Variants in LMBR1 observed in about 807,000 individuals in gnomAD.
The protein encoded by LMBR1 is limb development membrane protein 1, also known as limb region 1 protein homolog.
In LMBR1, 52 loss-of-function variants were observed where a neutral mutation model predicts 73.9. The observed-to-expected ratio is 0.70, with a 90% CI of 0.56 to 0.89. The LOEUF (loss-of-function observed/expected upper bound fraction) is 0.89, where lower values mean the gene tolerates loss of function less well. LMBR1 is among the 40% of genes least tolerant of loss of function. The pLI is 0.00. For synonymous variants in LMBR1, 215 were observed against 209.4 expected, an observed-to-expected ratio of 1.03 and a Z score of -0.23; for missense variants, 539 against 579.8, an observed-to-expected ratio of 0.93 and a Z score of 0.72.
chr7:156,863,161 T>A (rs181016906), intron 1 of LMBR1, among the ~76,000 whole-genome samples: 46 of 152,226 alleles, frequency 3.0e-4, no homozygotes, highest in African/African-American at 7.7e-4. Context: ...GGGGAGTTTA[T>A]TAAGTATTAA....
intron 4 of LMBR1, among the ~76,000 whole-genome samples, chr7:156,825,743 C>A (rs957230311): frequency 3.3e-5 from 5 of 152,146 alleles, no homozygotes; most frequent in African/African-American, 9.7e-5. Context: ...TAAGTGCCTA[C>A]TAAAAGACAA....
At position 156,730,062 on chromosome 7, in the gene LMBR1, T is replaced by C. The variant is rs181667222; in HGVS notation, c.839-1342A>G. 1.5e-3 allele frequency among the ~76,000 whole-genome samples: 234 copies of C among 152,156 alleles called. 2 individuals carry two copies. Among genetic ancestry groups the C allele is most frequent in the Middle Eastern group, 6.8e-3 (2 of 294 alleles). On this transcript the variant is annotated intron_variant, in intron 10 of 16. Coordinates refer to ENST00000353442, the MANE Select transcript of LMBR1 (RefSeq NM_022458.4). ...GGCATGGACCCAAGAGGGTGAGAAATCAATGGGTAAAAGGCAATGATTCTA... is the reference window on the plus strand; with the variant it reads ...GGCATGGACCCAAGAGGGTGAGAAACCAATGGGTAAAAGGCAATGATTCTA...
chr7:156,718,389 G>A (rs1380624949), intron 15 of LMBR1, among the ~76,000 whole-genome samples: 3 of 142,662 alleles, frequency 2.1e-5, no homozygotes, highest in Non-Finnish European at 4.5e-5. Flanking sequence ...AACAGAGTGA[G>A]AATCCATCTC....
intron 1 of LMBR1, among the ~76,000 whole-genome samples, chr7:156,850,120 T>A (rs1398288039): frequency 2.0e-5 from 3 of 152,222 alleles, no homozygotes; most frequent in African/African-American, 7.2e-5. Context: ...GCTTCAAAAG[T>A]GATCAGGTCA....
At chr7:156,878,664 A>C (rs1800587531) in intron 1 of LMBR1, among the ~76,000 whole-genome samples, 1 of 152,220 alleles carries the variant, frequency 6.6e-6, no homozygotes, top group Non-Finnish European at 1.5e-5. Context: ...AATTCCCATC[A>C]AAATACCACC....
intron 15 of LMBR1, among the ~76,000 whole-genome samples, chr7:156,714,628 G>C (rs1326070165): frequency 1.3e-5 from 2 of 152,298 alleles, no homozygotes; most frequent in African/African-American, 4.8e-5. Context: ...GAAATGACAA[G>C]ATCACACTTC....
chr7:156,808,843 T>C (rs1832607818), intron 4 of LMBR1, among the ~76,000 whole-genome samples: 1 of 152,200 alleles, frequency 6.6e-6, no homozygotes, highest in African/African-American at 2.4e-5. Context: ...ATTCCTTTTA[T>C]TCCTTTACTT....
In LMBR1 at chr7:156,812,209, T is replaced by G. The variant is rs532853155; in HGVS notation, c.319+14396A>C. 2.0e-5 allele frequency among the ~76,000 whole-genome samples: 3 copies of G among 152,266 alleles called. No individual in the cohort carries two copies. In the South Asian group the frequency reaches 6.2e-4, roughly 32 times the overall value. ...CATATGGCAAAAAGGACTTGGCAGG[T>G]GTAATTAAGGTTATGGACCTTCAAA... On this transcript the variant is annotated intron_variant, in intron 4 of 16. Coordinates refer to ENST00000353442, the MANE Select transcript of LMBR1 (RefSeq NM_022458.4).
At chr7:156,739,082 C>T (rs887245098) in intron 9 of LMBR1, among the ~76,000 whole-genome samples, 1 of 152,078 alleles carries the variant, frequency 6.6e-6, no homozygotes, top group African/African-American at 2.4e-5. Context: ...TGCCCTGGGA[C>T]AGAGGGGAGC....
intron 5 of LMBR1, among the ~76,000 whole-genome samples, chr7:156,766,721 A>G (rs1307170197): frequency 6.6e-6 from 1 of 152,076 alleles, no homozygotes; most frequent in Non-Finnish European, 1.5e-5. Context: ...AGGAGCAGGG[A>G]CCCCAAGCAG....
intron 5 of LMBR1, among the ~76,000 whole-genome samples, chr7:156,787,037 G>A (rs955354675): frequency 6.6e-5 from 10 of 152,292 alleles, no homozygotes; most frequent in African/African-American, 2.4e-4. Flanking sequence ...TGGGAAGTCA[G>A]CGCCTACAGA....
At chr7:156,863,621 C>T (rs935101066) in intron 1 of LMBR1, among the ~76,000 whole-genome samples, 6 of 152,134 alleles carry the variant, frequency 3.9e-5, no homozygotes, top group Non-Finnish European at 7.4e-5. Context: ...AGGGGCTGTA[C>T]AAATTCATAC....
chr7:156,784,537 C>T (rs1456890087), intron 5 of LMBR1, among the ~76,000 whole-genome samples: 1 of 152,210 alleles, frequency 6.6e-6, no homozygotes, highest in Non-Finnish European at 1.5e-5. Flanking sequence ...CACCCTGCTT[C>T]TGTCTGTCCC....
intron 1 of LMBR1, among the ~76,000 whole-genome samples, chr7:156,839,342 C>T (rs1186245398): frequency 6.6e-6 from 1 of 152,042 alleles, no homozygotes; most frequent in Non-Finnish European, 1.5e-5. Context: ...AGCCACTGTG[C>T]CCAGCCGCCC....
intron 8 of LMBR1, among the ~76,000 whole-genome samples, chr7:156,759,037 C>T (rs928050293): frequency 6.6e-6 from 1 of 152,132 alleles, no homozygotes; most frequent in Non-Finnish European, 1.5e-5. Context: ...AAGACATAGT[C>T]CTTGACCTCA....
At chr7:156,771,311 A>G (rs1463757684) in intron 5 of LMBR1, among the ~76,000 whole-genome samples, 2 of 152,174 alleles carry the variant, frequency 1.3e-5, no homozygotes, top group African/African-American at 4.8e-5. Flanking sequence ...GAAAGAAAAA[A>G]TAAGGTAGAT....
At chr7:156,769,313 T>G (rs1212933456) in intron 5 of LMBR1, among the ~76,000 whole-genome samples, 1 of 152,162 alleles carries the variant, frequency 6.6e-6, no homozygotes, top group Non-Finnish European at 1.5e-5. Flanking sequence ...GGGGGCTTAC[T>G]GCCCTGGTGT....
At chr7:156,838,310 T>C (rs1208448462) in intron 1 of LMBR1, among the ~76,000 whole-genome samples, 1 of 152,156 alleles carries the variant, frequency 6.6e-6, no homozygotes, top group African/African-American at 2.4e-5. Flanking sequence ...ATACAATAGA[T>C]TTTGAACTTA....
intron 1 of LMBR1, among the ~76,000 whole-genome samples, chr7:156,868,604 A>G (rs1160827980): frequency 6.6e-6 from 1 of 151,908 alleles, no homozygotes; most frequent in Admixed American, 6.6e-5. Flanking sequence ...CGGAGGTTGC[A>G]GTGAGCCTAG....
Sources: gnomAD v4.1 joint callset for allele counts (sites outside exome capture counted in the v4.1 genomes callset) on GRCh38, gnomAD v4.1.1 for gene constraint, MANE v1.5 for transcripts, NCBI Gene and HGNC (gene_info 2026-07-23, HGNC 2026-07-21) for gene names.